Variants in AMDHD1 observed in about 807,000 individuals in gnomAD.
AMDHD1 encodes probable imidazolonepropionase.
AMDHD1 carries 45 observed loss-of-function variants against 44.1 expected under a neutral mutation model. The observed-to-expected ratio is 1.02, with a 90% CI of 0.80 to 1.31. AMDHD1 has a LOEUF of 1.31. Ranked by LOEUF, AMDHD1 falls within the 50% of genes most tolerant of loss-of-function variation. The probability of loss-of-function intolerance (pLI) is 0.00; values close to 1 mark genes in which losing one functional copy is unlikely to be tolerated. For missense variants in AMDHD1, 586 were observed against 552.1 expected (o/e 1.06, Z -0.61); for synonymous variants, 206 against 205.0 (o/e 1.00, Z -0.04).
intron 1 of AMDHD1, among the ~76,000 whole-genome samples, chr12:95,951,227 C>T (rs116000024): frequency 6.6e-6 from 1 of 152,034 alleles, no homozygotes; most frequent in African/African-American, 2.4e-5. Context: ...CCCCATTTTT[C>T]TCCTCTCCCC....
chr12:95,962,356 T>C lies in AMDHD1; in HGVS notation c.815T>C (p.Leu272Pro). The change falls in exon 6 of 9, where the codon CTT (leucine) becomes CCT (proline). Residue 272 changes from leucine to proline, a missense_variant and splice_region_variant. Coordinates refer to ENST00000266736, the MANE Select transcript of AMDHD1 (RefSeq NM_152435.3). ...DELHPMKAAE[L>P]GAELGAQAIS... ...TCCCTCTCTGCCCATTCTCCTTAGC[T>C]TGGGGCTGAACTGGGAGCGCAGGCA... 3 of 1,613,082 alleles carry C rather than the reference T, an allele frequency of 1.9e-6. No homozygotes were observed. The highest frequency in any genetic ancestry group is 2.5e-6 in the Non-Finnish European group (3 of 1,179,326).
chr12:95,957,998 A>C (rs939105187), intron 4 of AMDHD1, among the ~76,000 whole-genome samples: 1 of 152,222 alleles, frequency 6.6e-6, no homozygotes, highest in African/African-American at 2.4e-5. Flanking sequence ...GGTTGCAGTG[A>C]GCCGAGATTG....
intron 4 of AMDHD1, among the ~76,000 whole-genome samples, chr12:95,958,244 A>G (rs1420807696): frequency 6.6e-6 from 1 of 152,116 alleles, no homozygotes; most frequent in Non-Finnish European, 1.5e-5. Context: ...GGAAAACAAT[A>G]CATTACTATT....
At chr12:95,958,537 A>G (rs1199020627) in intron 4 of AMDHD1, among the ~76,000 whole-genome samples, 2 of 152,218 alleles carry the variant, frequency 1.3e-5, no homozygotes, top group Non-Finnish European at 2.9e-5. Flanking sequence ...CAAACAGAAT[A>G]TAAAGTGTAT....
intron 1 of AMDHD1, among the ~76,000 whole-genome samples, chr12:95,949,488 A>C (rs552606846): frequency 2.5e-4 from 38 of 152,332 alleles, no homozygotes; most frequent in South Asian, 6.2e-4. Context: ...AGTAAATAAA[A>C]CCACATGTGC....
chr12:95,964,609 A>T (rs572126516), intron 6 of AMDHD1, among the ~76,000 whole-genome samples: 2 of 152,070 alleles, frequency 1.3e-5, no homozygotes, highest in South Asian at 4.2e-4. Flanking sequence ...CTCCTCTCAT[A>T]CGTTGTTGAA....
Position 95,954,885 on chromosome 12 carries a change from A to G in AMDHD1, c.245-26A>G, listed in dbSNP as rs1422190526. 2.5e-6 allele frequency: 4 copies of G among 1,611,420 alleles called. No individual in the cohort carries two copies. The African/African-American group carries it at 4.0e-5, about 16-fold the overall frequency. ...TAAGTGCTCTCTATTTCTTAATTGT[A>G]AGATAACTTGATTTATTGATTATAG... On this transcript the variant is annotated intron_variant, in intron 2 of 8. Coordinates refer to ENST00000266736, the MANE Select transcript of AMDHD1 (RefSeq NM_152435.3).
intron 1 of AMDHD1, among the ~76,000 whole-genome samples, chr12:95,944,435 T>C (rs2136755790): frequency 6.6e-6 from 1 of 152,096 alleles, no homozygotes; most frequent in South Asian, 2.1e-4. Context: ...AGGGTCTAGC[T>C]CTGTTGCCCA....
intron 5 of AMDHD1, among the ~76,000 whole-genome samples, chr12:95,962,091 C>T (rs2080584982): frequency 6.6e-6 from 1 of 152,164 alleles, no homozygotes. Flanking sequence ...CATGGTGAAA[C>T]CCCATCTCTA....
At chr12:95,950,634 G>C (rs554814215) in intron 1 of AMDHD1, among the ~76,000 whole-genome samples, 2 of 152,216 alleles carry the variant, frequency 1.3e-5, no homozygotes, top group Admixed American at 1.3e-4. Flanking sequence ...TAGGAGCCAG[G>C]CCCCTGCTGC....
intron 4 of AMDHD1, among the ~76,000 whole-genome samples, chr12:95,958,916 G>A (rs1429121578): frequency 6.6e-6 from 1 of 152,004 alleles, no homozygotes; most frequent in Non-Finnish European, 1.5e-5. Context: ...TTAGCTGGGC[G>A]TGGTGGCACA....
At position 95,966,499 on chromosome 12, in the gene AMDHD1, A is replaced by G. The variant is rs755301280; in HGVS notation, c.1184A>G (p.Asn395Ser). 4.3e-5 allele frequency: 69 copies of G among 1,614,166 alleles called. No individual in the cohort carries two copies. The highest frequency in any genetic ancestry group is 1.0e-4 in the Admixed American group (6 of 60,022). Residue 395 changes from asparagine (N) to serine (S), a missense_variant, in exon 8 of 9, where the codon AAT becomes AGT. Asn to Ser is a conservative substitution (Grantham distance 46). Coordinates refer to ENST00000266736, the MANE Select transcript of AMDHD1 (RefSeq NM_152435.3). ...VGKQGDLIII[N>S]SSRWEHLIYQ... Reference sequence around the variant, plus strand: ...AAACAGGGAGATCTCATTATCATCAATTCATCCCGGTGAGTGTGCTTCAAC... The same window carrying G: ...AAACAGGGAGATCTCATTATCATCAGTTCATCCCGGTGAGTGTGCTTCAAC...
At chr12:95,960,691 A>C in intron 5 of AMDHD1, 68 bp downstream of exon 5, 1 of 1,468,220 alleles carries the variant, frequency 6.8e-7, no homozygotes, top group Non-Finnish European at 9.4e-7. Flanking sequence ...TGGGAAACTT[A>C]ATTAGTTTCT....
At chr12:95,965,596 G>A (rs369315008) in intron 6 of AMDHD1, 90 bp from the exon 7 acceptor site, 58 of 740,522 alleles carry the variant, frequency 7.8e-5, no homozygotes, top group East Asian at 5.4e-4. Flanking sequence ...ATATGAAGGC[G>A]TTGACTGTCT....
intron 1 of AMDHD1, among the ~76,000 whole-genome samples, chr12:95,945,426 A>G (rs1217242518): frequency 6.6e-6 from 1 of 152,188 alleles, no homozygotes; most frequent in Non-Finnish European, 1.5e-5. Context: ...TTCACTTACT[A>G]TCATCACTGT....
intron 2 of AMDHD1, among the ~76,000 whole-genome samples, chr12:95,953,591 T>C (rs2080534878): frequency 6.6e-6 from 1 of 152,178 alleles, no homozygotes; most frequent in Non-Finnish European, 1.5e-5. Flanking sequence ...TTTCATTTGT[T>C]TGTTTATTTT....
At chr12:95,958,424 C>A (rs2080563554) in intron 4 of AMDHD1, among the ~76,000 whole-genome samples, 1 of 152,050 alleles carries the variant, frequency 6.6e-6, no homozygotes, top group East Asian at 1.9e-4. Context: ...TTCCAGTGAT[C>A]TTTGTTGTAA....
At chr12:95,963,123 T>C (rs548684327) in intron 6 of AMDHD1, among the ~76,000 whole-genome samples, 23 of 152,320 alleles carry the variant, frequency 1.5e-4, no homozygotes, top group African/African-American at 5.5e-4. Flanking sequence ...ATATCCAAGA[T>C]TGTGGTCTGG....
At chr12:95,964,582 GT>G (rs1328314388) in intron 6 of AMDHD1, among the ~76,000 whole-genome samples, 2 of 151,982 alleles carry the variant, frequency 1.3e-5, no homozygotes, top group African/African-American at 4.8e-5. Context: ...CTCACTCTCT[GT>G]CTCTGCTTCA....
Sources: gnomAD v4.1 joint callset for allele counts (sites outside exome capture counted in the v4.1 genomes callset) on GRCh38, gnomAD v4.1.1 for gene constraint, MANE v1.5 for transcripts, NCBI Gene and HGNC (gene_info 2026-07-23, HGNC 2026-07-21) for gene names.